Variants in CYP4F11 observed in about 807,000 individuals in gnomAD.
The protein encoded by CYP4F11 is cytochrome P450 family 4 subfamily F member 11.
In CYP4F11, 79 loss-of-function variants were observed where a neutral mutation model predicts 62.2. That is an observed-to-expected ratio of 1.27 (90% CI 1.06 to 1.53). The LOEUF is 1.53. CYP4F11 is among the 40% of genes most tolerant of loss of function. CYP4F11 has a pLI of 0.00. For missense variants in CYP4F11, 777 were observed against 680.5 expected, an observed-to-expected ratio of 1.14 and a Z score of -1.58; for synonymous variants, 290 against 263.7, an observed-to-expected ratio of 1.10 and a Z score of -0.97.
chr19:15,927,233 G>A lies in CYP4F11; in HGVS notation c.504C>T (p.Asn168=), dbSNP rs2089676036. 3 of 1,613,972 alleles carry A rather than the reference G, an allele frequency of 1.9e-6. No individual in the cohort carries two copies. Among genetic ancestry groups the A allele is most frequent in the South Asian group, 2.2e-5 (2 of 91,080 alleles). ...NILKPYMKIF[N]KSVNIMHDKW... is the part of the protein sequence containing the mutation. Reference sequence around the variant, plus strand: ...TCACGTGCATGATGTTCACACTCTTGTTGAAAATCTTCATATAAGGCTTCA... The same window carrying A: ...TCACGTGCATGATGTTCACACTCTTATTGAAAATCTTCATATAAGGCTTCA... Residue 168 remains asparagine (N), a synonymous_variant, in exon 4 of 12, where the codon AAC becomes AAT. Transcript: ENST00000402119.
In CYP4F11 at chr19:15,915,639, T is replaced by C. The variant is rs566049703; in HGVS notation, c.1116-744A>G. Among the ~76,000 whole-genome samples, 4 of 152,342 alleles carry C rather than the reference T, an allele frequency of 2.6e-5. No individual in the cohort carries two copies. The East Asian group carries it at 7.7e-4, about 29-fold the overall frequency. ...TTAAAAATATGAGTACATCATATAC[T>C]ATACACATATTCCATATCTTTTCTC... On this transcript the variant is annotated intron_variant, in intron 8 of 11. Transcript: ENST00000402119.
In CYP4F11 at chr19:15,914,909, C is replaced by A; in HGVS notation, c.1116-14G>T. ...GCCAGGTCGTCCCTAAGAAAACACCCCAGCCCCAATCATTATCAAGGGAAC... is the reference window on the plus strand; with the variant it reads ...GCCAGGTCGTCCCTAAGAAAACACCACAGCCCCAATCATTATCAAGGGAAC... On this transcript the variant is annotated splice_polypyrimidine_tract_variant and intron_variant, in intron 8 of 11. Coordinates refer to ENST00000402119, the MANE Select transcript of CYP4F11 (RefSeq NM_021187.4). 6.2e-7 allele frequency: 1 copy of A among 1,613,330 alleles called. No individual in the cohort carries two copies. Among genetic ancestry groups the A allele is most frequent in the Non-Finnish European group, 8.5e-7 (1 of 1,179,796 alleles).
At position 15,924,010 on chromosome 19, in the gene CYP4F11, G is replaced by A; in HGVS notation, c.720C>T (p.Leu240=). Residue 240 remains leucine, a synonymous_variant, in exon 6 of 12, where the codon CTC becomes CTT. Coordinates refer to ENST00000402119, the MANE Select transcript of CYP4F11 (RefSeq NM_021187.4). ...GATAATACAGGAAGTCCGTGTGCAA[G>A]AGAATCTGCTGGTTTCTCTTTTCTA... ...AFVEKRNQQI[L]LHTDFLYYLT... is the part of the protein sequence containing the mutation. The A allele has an allele frequency of 6.2e-7, 1 of 1,614,176 alleles. No individual in the cohort carries two copies.
Position 15,929,443 on chromosome 19 carries a change from C to T in CYP4F11, c.343+14G>A, listed in dbSNP as rs1281353750. 3 of 1,614,026 alleles carry T rather than the reference C, an allele frequency of 1.9e-6. No individual in the cohort carries two copies. The highest frequency in any genetic ancestry group is 1.7e-5 in the Admixed American group (1 of 60,026). On this transcript the variant is annotated intron_variant, in intron 2 of 11. Transcript: ENST00000402119. ...GTTTCCCAGCCCCCACTACCACAAG[C>T]TCTGCACGGGTACCTGAGGCACTGG...
chr19:15,929,816 G>C (rs2089697768), intron 1 of CYP4F11, among the ~76,000 whole-genome samples: 1 of 152,244 alleles, frequency 6.6e-6, no homozygotes, highest in East Asian at 1.9e-4. Flanking sequence ...AGTGGGGGTG[G>C]GTGTCATCCA....
chr19:15,929,654 C>G, intron 1 of CYP4F11, 53 bp from the exon 2 acceptor site: 1 of 1,522,972 alleles, frequency 6.6e-7, no homozygotes. Flanking sequence ...TCTAGGCATC[C>G]TGAATTAATC....
intron 1 of CYP4F11, among the ~76,000 whole-genome samples, chr19:15,932,465 G>C (rs200513843): frequency 2.0e-4 from 7 of 35,192 alleles, no homozygotes; most frequent in South Asian, 1.3e-3. Context: ...AGTGAGCGGG[G>C]AGAGGAATGA....
rs752249699 is a variant in CYP4F11 at position 15,924,070 on chromosome 19, T to C, written c.660A>G (p.Glu220=). 5 of 1,613,416 alleles carry C rather than the reference T, an allele frequency of 3.1e-6. No homozygotes were observed. The highest frequency in any genetic ancestry group is 4.2e-6 in the Non-Finnish European group (5 of 1,179,394). ...FESNCQEKPS[E]YIAAILELSA... ...TGAGCTCCAAGATGGCGGCAATATA[T>C]TCACTGGGCTTCCTGCATGAAGGAG... The change falls in exon 6 of 12, where the codon GAA becomes GAG. Residue 220 remains glutamate, a synonymous_variant. Coordinates refer to ENST00000402119, the MANE Select transcript of CYP4F11 (RefSeq NM_021187.4).
intron 8 of CYP4F11, among the ~76,000 whole-genome samples, chr19:15,918,846 T>G (rs1011059443): frequency 1.3e-5 from 2 of 151,610 alleles, no homozygotes; most frequent in Non-Finnish European, 2.9e-5. Flanking sequence ...GGAAGGCAAA[T>G]TGGCCATATC....
intron 1 of CYP4F11, 82 bp downstream of exon 1, chr19:15,934,129 C>CCCAG: frequency 6.7e-7 from 1 of 1,499,172 alleles, no homozygotes; most frequent in Non-Finnish European, 9.2e-7. Context: ...ACCCTCAAAA[C>CCCAG]CCAGCTCCCT....
intron 5 of CYP4F11, 81 bp from the exon 6 acceptor site, chr19:15,924,163 A>G: frequency 1.3e-6 from 2 of 1,506,950 alleles, no homozygotes; most frequent in East Asian, 4.5e-5. Context: ...ACTGCCCATC[A>G]GGAAATTGAG....
At chr19:15,920,935 T>C (rs2089621289) in intron 8 of CYP4F11, among the ~76,000 whole-genome samples, 1 of 151,826 alleles carries the variant, frequency 6.6e-6, no homozygotes, top group Admixed American at 6.6e-5. Context: ...TCTCTCTCCA[T>C]TCTCTTTTTA....
rs199657164 is a variant in CYP4F11 at position 15,934,375 on chromosome 19, C to G, written c.34G>C (p.Gly12Arg). 991 of 1,613,348 alleles carry G rather than the reference C, an allele frequency of 6.1e-4. 8 individuals carry two copies. The Admixed American group carries it at 0.015, about 24-fold the overall frequency. ...PQLSLSWLGL[G>R]PVAASPWLLL... ...AGCCACGGGGATGCTGCCACGGGCCCGAGGCCCAGCCAGGACAGGCTCAGC... is the reference window on the plus strand; with the variant it reads ...AGCCACGGGGATGCTGCCACGGGCCGGAGGCCCAGCCAGGACAGGCTCAGC... Residue 12 changes from glycine to arginine, a missense_variant, in exon 1 of 12, where the codon GGG (glycine) becomes CGG (arginine). By Grantham distance (125) the Gly-to-Arg change is moderately radical (BLOSUM62 -2). Coordinates refer to ENST00000402119, the MANE Select transcript of CYP4F11 (RefSeq NM_021187.4).
Position 15,934,235 on chromosome 19 carries a change from G to C in CYP4F11, c.174C>G (p.Asn58Lys), listed in dbSNP as rs748511462. 35 of 1,613,582 alleles carry C rather than the reference G, an allele frequency of 2.2e-5. No homozygotes were observed. The highest frequency in any genetic ancestry group is 2.9e-5 in the Non-Finnish European group (34 of 1,179,752). ...LQCFPQPPKQ[N>K]WFWGHQGLVT... Reference sequence around the variant, plus strand: ...CCAGGCCCTGGTGTCCCCAAAACCAGTTCTGTTTCGGGGGTTGAGGAAAAC... The same window carrying C: ...CCAGGCCCTGGTGTCCCCAAAACCACTTCTGTTTCGGGGGTTGAGGAAAAC... Residue 58 changes from asparagine (N) to lysine (K), a missense_variant, in exon 1 of 12, where the codon AAC becomes AAG. Coordinates refer to ENST00000402119, the MANE Select transcript of CYP4F11 (RefSeq NM_021187.4).
chr19:15,924,245 C>T (rs2089652222), intron 5 of CYP4F11, among the ~76,000 whole-genome samples, 163 bp from the exon 6 acceptor site: 1 of 152,148 alleles, frequency 6.6e-6, no homozygotes, highest in African/African-American at 2.4e-5. Context: ...TGAGAGCTGC[C>T]TCCATGCACC....
rs2089679460 is a variant in CYP4F11 at position 15,927,484 on chromosome 19, C to T, written c.344-1G>A. On this transcript the variant is annotated splice_acceptor_variant, in intron 2 of 11. Coordinates refer to ENST00000402119, the MANE Select transcript of CYP4F11 (RefSeq NM_021187.4). LOFTEE classifies it high-confidence loss of function. ...ATCATATCCTTGGGTGCGACAGCAGCTGACATGATTGAGGACCATCAGTGG... is the reference window on the plus strand; with the variant it reads ...ATCATATCCTTGGGTGCGACAGCAGTTGACATGATTGAGGACCATCAGTGG... 9.3e-6 allele frequency: 15 copies of T among 1,614,132 alleles called. No individual in the cohort carries two copies. In the East Asian group the frequency reaches 3.3e-4, roughly 36 times the overall value.
intron 6 of CYP4F11, 119 bp from the exon 7 acceptor site, chr19:15,922,549 T>G (rs2089637203): frequency 9.6e-7 from 1 of 1,045,832 alleles, no homozygotes; most frequent in South Asian, 1.4e-5. Context: ...AAGCCCATCA[T>G]GCACTCCTAG....
chr19:15,912,534 G>T lies in CYP4F11; in HGVS notation c.*1198C>A, dbSNP rs560772554. ...AGAAGAGATTAGAGAAGTCAACAGG[G>T]TTTAGCGATGCAACATCCCTTAGGC... On this transcript the variant is annotated 3_prime_UTR_variant, in exon 12 of 12. Coordinates refer to ENST00000402119, the MANE Select transcript of CYP4F11 (RefSeq NM_021187.4). 2 of 151,614 alleles carry T rather than the reference G, an allele frequency of 1.3e-5. No homozygotes were observed. Among genetic ancestry groups the T allele is most frequent in the Admixed American group, 1.3e-4 (2 of 15,230 alleles). 9.4% of individuals were successfully genotyped at this position (151,614 alleles called of 1,614,324 possible).
chr19:15,915,074 GA>G (rs1326915126), intron 8 of CYP4F11, among the ~76,000 whole-genome samples, 179 bp from the exon 9 acceptor site: 2 of 152,020 alleles, frequency 1.3e-5, no homozygotes, highest in Non-Finnish European at 2.9e-5. Flanking sequence ...AAAAGTACCA[GA>G]AAAAAATGGT....
Sources: allele counts gnomAD v4.1 joint callset (sites outside exome capture counted in the v4.1 genomes callset), GRCh38; gene constraint gnomAD v4.1.1; transcripts MANE v1.5; gene names NCBI Gene and HGNC (gene_info 2026-07-23, HGNC 2026-07-21).